SEC16A: variants seen among roughly 807,000 people sequenced by gnomAD.
The protein encoded by SEC16A is SEC16 homolog A, endoplasmic reticulum export factor.
In SEC16A, 110 loss-of-function variants were observed where a neutral mutation model predicts 221.9. That is an observed-to-expected ratio of 0.50 (90% CI 0.42 to 0.58). The LOEUF (loss-of-function observed/expected upper bound fraction) is 0.58, where lower values mean the gene tolerates loss of function less well. SEC16A is among the 20% of genes least tolerant of loss of function. The probability of loss-of-function intolerance (pLI) is 0.00; values close to 1 mark genes in which losing one functional copy is unlikely to be tolerated. For missense variants in SEC16A, 3,165 were observed against 3,097.8 expected, an observed-to-expected ratio of 1.02 and a Z score of -0.52; for synonymous variants, 1,393 against 1,257.7, an observed-to-expected ratio of 1.11 and a Z score of -2.28.
rs370867970 is a variant in SEC16A, at chr9:136,446,453, T to G, written c.6792+402A>C. Among the ~76,000 whole-genome samples the G allele has an allele frequency of 3.4e-4, 51 of 149,318 alleles. No homozygotes were observed. In the East Asian group the frequency reaches 6.0e-3, roughly 18 times the overall value. On this transcript the variant is annotated intron_variant, in intron 28 of 31. Coordinates refer to ENST00000684901, the MANE Select transcript of SEC16A (RefSeq NM_014866.2). ...CACATGGGAGTCATTTGTTTTTTGT[T>G]TTTTTTTTTTGGATGAAAATATACT...
At position 136,457,492 on chromosome 9, in the gene SEC16A, C is replaced by A. The variant is rs761904870; in HGVS notation, c.5502G>T (p.Leu1834=). ...HYCEAIAKSI[L]TQPHLYSPVL... is the part of the protein sequence containing the mutation. Reference sequence around the variant, plus strand: ...CCGGGGAATACAGGTGCGGCTGCGTCAGGATGCTCTTCGCGATGGCCTCAC... The same window carrying A: ...CCGGGGAATACAGGTGCGGCTGCGTAAGGATGCTCTTCGCGATGGCCTCAC... The change falls in exon 18 of 32, where the codon CTG becomes CTT. Residue 1834 remains leucine (L), a synonymous_variant. Coordinates refer to ENST00000684901, the MANE Select transcript of SEC16A (RefSeq NM_014866.2). 6.2e-7 allele frequency: 1 copy of A among 1,609,192 alleles called. No individual in the cohort carries two copies. Among genetic ancestry groups the A allele is most frequent in the East Asian group, 2.2e-5 (1 of 44,632 alleles).
Position 136,446,925 on chromosome 9 carries a change from T to G in SEC16A, c.6722A>C (p.Asp2241Ala). The part of the protein sequence containing the change: ...TPDAEEPQLP[D>A]GTGREGPAAA... Reference sequence around the variant, plus strand: ...TGCAGGCCCTTCCCTGCCAGTCCCGTCTGGAAGCTGTGGTTCTTCTGCATC... The same window carrying G: ...TGCAGGCCCTTCCCTGCCAGTCCCGGCTGGAAGCTGTGGTTCTTCTGCATC... The change falls in exon 28 of 32, where the codon GAC becomes GCC. Residue 2241 changes from aspartate (D) to alanine (A), a missense_variant. Asp to Ala is a moderately radical substitution (Grantham distance 126). Transcript: ENST00000684901. 1 of 1,613,684 alleles carries G rather than the reference T, an allele frequency of 6.2e-7. No homozygotes were observed. The highest frequency in any genetic ancestry group is 2.2e-5 in the East Asian group (1 of 44,880).
chr9:136,471,931 G>A (rs1467999055), intron 4 of SEC16A, 44 bp downstream of exon 4: 5 of 1,604,788 alleles, frequency 3.1e-6, no homozygotes, highest in Non-Finnish European at 3.4e-6. Flanking sequence ...ACAGACATGG[G>A]TCTGAGTAGG....
At chr9:136,464,661 G>A in intron 8 of SEC16A, 99 bp from the exon 9 acceptor site, 2 of 1,078,704 alleles carry the variant, frequency 1.9e-6, no homozygotes, top group South Asian at 3.2e-5. Context: ...TCACAGGTTA[G>A]ATTTATCACG....
In SEC16A at chr9:136,476,909, G is replaced by C. The variant is rs1841717950; in HGVS notation, c.707C>G (p.Pro236Arg). The C allele has an allele frequency of 6.2e-7, 1 of 1,611,786 alleles. No individual in the cohort carries two copies. Among genetic ancestry groups the C allele is most frequent in the Non-Finnish European group, 8.5e-7 (1 of 1,179,552 alleles). Residue 236 changes from proline (P) to arginine (R), a missense_variant, in exon 3 of 32, where the codon CCT becomes CGT. By Grantham distance (103) the Pro-to-Arg change is moderately radical (BLOSUM62 -2). This residue lies in a region of SEC16A where 2,030 missense variants were observed against 1,923.1 expected (regional missense o/e 1.06). Transcript: ENST00000684901. ...GGCACAGGGCACCCCGCTGGGAACA[G>C]GTCCTTCAGGGCAGGGTGAACGATG... is the stretch of plus-strand genomic sequence containing the variant. The part of the protein sequence containing the change: ...GQHRSPCPEG[P>R]VPSGVPCATS...
At chr9:136,482,786 G>A (rs1842570250) in intron 1 of SEC16A, among the ~76,000 whole-genome samples, 152 bp downstream of exon 1, 1 of 151,962 alleles carries the variant, frequency 6.6e-6, no homozygotes, top group East Asian at 1.9e-4. Context: ...CCCTCGACCG[G>A]CCCCGGCGGG....
At chr9:136,444,175 G>A (rs10870203) in intron 30 of SEC16A, 34,499 of 268,904 alleles carry the variant, frequency 0.13, 2,692 homozygotes, top group Admixed American at 0.24. Context: ...CCGAGCGTGC[G>A]AGGTGGTGAG....
At chr9:136,484,307 G>A, upstream of SEC16A, 1 of 1,057,636 alleles carries the variant, frequency 9.5e-7, no homozygotes, top group South Asian at 2.3e-5. Flanking sequence ...GCGGGTAGGC[G>A]CTCCTGTGCC....
In SEC16A at chr9:136,459,137, G is replaced by C. The variant is rs1839127669; in HGVS notation, c.5406C>G (p.Phe1802Leu). The change falls in exon 17 of 32, where the codon TTC (phenylalanine) becomes TTG (leucine). Residue 1802 changes from phenylalanine (F) to leucine (L), a missense_variant. Physicochemically the swap from Phe to Leu is conservative, Grantham distance 22 (BLOSUM62 0). Coordinates refer to ENST00000684901, the MANE Select transcript of SEC16A (RefSeq NM_014866.2). This position sits in a 1 kb window ranked among gnomAD's most constrained non-coding sequence, Gnocchi z 6.1. Reference sequence around the variant, plus strand: ...CAGGCTGGCAGCACCTGCTTACCTGGAAACTAGGCAGGGGGCAGGTCTCGG... The same window carrying C: ...CAGGCTGGCAGCACCTGCTTACCTGCAAACTAGGCAGGGGGCAGGTCTCGG... ...LGAETCPLPS[F>L]QVFKFIYSCR... is the part of the protein sequence containing the mutation. 6.2e-7 allele frequency: 1 copy of C among 1,606,774 alleles called. No homozygotes were observed. The highest frequency in any genetic ancestry group is 1.1e-5 in the South Asian group (1 of 90,370).
chr9:136,459,890 A>G lies in SEC16A; in HGVS notation c.5074-16T>C, dbSNP rs564987611. On this transcript the variant is annotated splice_polypyrimidine_tract_variant and intron_variant, in intron 14 of 31. Coordinates refer to ENST00000684901, the MANE Select transcript of SEC16A (RefSeq NM_014866.2). This position sits in a 1 kb window ranked among gnomAD's most constrained non-coding sequence, Gnocchi z 6.1. The stretch of plus-strand genomic sequence containing the variant: ...CTCCACAGCACTAACATGAGGAAAA[A>G]CAAAACGAAGCCTCATCCCCGGAAG... 1 of 1,606,254 alleles carries G rather than the reference A, an allele frequency of 6.2e-7. No individual in the cohort carries two copies. Among genetic ancestry groups the G allele is most frequent in the Non-Finnish European group, 8.5e-7 (1 of 1,174,978 alleles).
rs1836870488 is a variant in SEC16A, at chr9:136,445,626, TG to T, written c.6867+18del. 1.3e-6 allele frequency: 2 copies of T among 1,541,008 alleles called. No homozygotes were observed. Among genetic ancestry groups the T allele is most frequent in the African/African-American group, 2.7e-5 (2 of 72,762 alleles). ...GGGAGGCCTGGGCTGCGGGGGGCCCTGGCGTCGGCACTCCTTACCTCTCCTC... is the reference window on the plus strand; with the variant it reads ...GGGAGGCCTGGGCTGCGGGGGGCCCTGCGTCGGCACTCCTTACCTCTCCTC... On this transcript the variant is annotated intron_variant, in intron 29 of 31. Transcript: ENST00000684901.
Position 136,446,040 on chromosome 9 carries a change from CTGA to C in SEC16A, c.6793-324_6793-322del, listed in dbSNP as rs537278022. ...AGTGACTGCCCCATGCTTTACACAG[CTGA>C]TGAATGGAGAACAGGATTAGGCCCA... On this transcript the variant is annotated intron_variant, in intron 28 of 31. Coordinates refer to ENST00000684901, the MANE Select transcript of SEC16A (RefSeq NM_014866.2). Among the ~76,000 whole-genome samples the C allele has an allele frequency of 2.0e-5, 3 of 151,334 alleles. No homozygotes were observed. The South Asian group carries it at 6.3e-4, about 32-fold the overall frequency.
intron 19 of SEC16A, 24 bp from the exon 20 acceptor site, chr9:136,455,817 T>G: frequency 6.4e-7 from 1 of 1,566,762 alleles, no homozygotes; most frequent in Non-Finnish European, 8.7e-7. Flanking sequence ...AGACCTGCCC[T>G]GTGGAAGCCG....
rs371308195 is a variant in SEC16A, at chr9:136,476,415, C to T, written c.1201G>A (p.Asp401Asn). 7.0e-5 allele frequency: 113 copies of T among 1,612,960 alleles called. No homozygotes were observed. In the African/African-American group the frequency reaches 1.3e-3, roughly 19 times the overall value. ...AGCCCAGGGCTGGAGCAGAAATCGT[C>T]AAAGTCCGCTTGACCAGATAAGCCT... ...KAGLSGQADF[D>N]DFCSSPGLGR... The change falls in exon 3 of 32, where the codon GAC becomes AAC. Residue 401 changes from aspartate to asparagine, a missense_variant. Around this residue, in one of 3 missense-constraint regions of SEC16A, gnomAD observed 2,030 missense variants for 1,923.1 expected, o/e 1.06. Coordinates refer to ENST00000684901, the MANE Select transcript of SEC16A (RefSeq NM_014866.2).
At chr9:136,473,379 A>G (rs1841156371) in intron 3 of SEC16A, among the ~76,000 whole-genome samples, 1 of 152,252 alleles carries the variant, frequency 6.6e-6, no homozygotes, top group Non-Finnish European at 1.5e-5. Flanking sequence ...AAATGTGTAC[A>G]CAGACACTTT....
chr9:136,445,448 C>T (rs1389179545), intron 29 of SEC16A, among the ~76,000 whole-genome samples, 197 bp downstream of exon 29: 1 of 152,220 alleles, frequency 6.6e-6, no homozygotes, highest in East Asian at 1.9e-4. Context: ...CCCCTGCACC[C>T]CTCCTGGAGC....
At chr9:136,444,970 T>C (rs1398948274) in intron 30 of SEC16A, 82 bp downstream of exon 30, 1 of 1,237,164 alleles carries the variant, frequency 8.1e-7, no homozygotes, top group Non-Finnish European at 1.2e-6. Flanking sequence ...AAAGCGCACG[T>C]GGCGAACCGG....
At chr9:136,467,638 G>A (rs1216997757) in intron 5 of SEC16A, among the ~76,000 whole-genome samples, 1 of 152,074 alleles carries the variant, frequency 6.6e-6, no homozygotes, top group Non-Finnish European at 1.5e-5. Flanking sequence ...ACTTTAAAAG[G>A]GCTCTAAACA....
In SEC16A at chr9:136,462,916, T is replaced by C; in HGVS notation, c.4864A>G (p.Arg1622Gly). ...TTACGGCCATACAGCAACAGCTCCC[T>C]GAACCTCTCGGTCTCTCTCTCGAGC... ...SSLERETERF[R>G]ELLLYGRKKD... Residue 1622 changes from arginine to glycine, a missense_variant, in exon 12 of 32, where the codon AGG becomes GGG. Arg to Gly is a moderately radical substitution (Grantham distance 125). Transcript: ENST00000684901. The C allele has an allele frequency of 1.2e-6, 2 of 1,602,722 alleles. No individual in the cohort carries two copies. The highest frequency in any genetic ancestry group is 1.7e-6 in the Non-Finnish European group (2 of 1,179,812).
Sources: allele counts gnomAD v4.1 joint callset (sites outside exome capture counted in the v4.1 genomes callset), GRCh38; gene constraint gnomAD v4.1.1; regional missense constraint gnomAD v4.1.1; non-coding constraint Gnocchi (gnomAD v3.1); transcripts MANE v1.5; gene names NCBI Gene and HGNC (gene_info 2026-07-23, HGNC 2026-07-21).